Variants in SORCS3 observed in about 807,000 individuals in gnomAD.
The protein encoded by SORCS3 is VPS10 domain-containing receptor SorCS3.
SORCS3 carries 57 observed loss-of-function variants against 146.3 expected under a neutral mutation model. That is an observed-to-expected ratio of 0.39 (90% CI 0.31 to 0.49). SORCS3 has a LOEUF of 0.49. SORCS3 is among the 20% of genes least tolerant of loss of function. The pLI, the probability that SORCS3 is intolerant of heterozygous loss-of-function variation, is 0.92. For missense variants in SORCS3, 1,341 were observed against 1,575.5 expected, an observed-to-expected ratio of 0.85 and a Z score of 2.52; for synonymous variants, 653 against 618.5, an observed-to-expected ratio of 1.06 and a Z score of -0.83.
intron 1 of SORCS3, among the ~76,000 whole-genome samples, chr10:104,832,750 T>TAAATACAC (rs58541807): frequency 5.9e-5 from 9 of 151,744 alleles, no homozygotes; most frequent in African/African-American, 2.2e-4. Context: ...AATAAATAAA[T>TAAATACAC]GAACGAACGA....
chr10:104,689,420 G>A lies in SORCS3; in HGVS notation c.627+47466G>A, dbSNP rs77630205. On this transcript the variant is annotated intron_variant, in intron 1 of 26. Coordinates refer to ENST00000369701, the MANE Select transcript of SORCS3 (RefSeq NM_014978.3). ...TGTGGACTTGTGGTTGTTTGTTTGC[G>A]TGTCTGTCTCTTCATGTAGACTGGA... Among the ~76,000 whole-genome samples the A allele has an allele frequency of 6.6e-3, 1,007 of 152,238 alleles. 45 individuals carry two copies. In the East Asian group the frequency reaches 0.12, roughly 17 times the overall value.
rs528700540 is a variant in SORCS3, at chr10:104,650,496, A to G, written c.627+8542A>G. On this transcript the variant is annotated intron_variant, in intron 1 of 26. Transcript: ENST00000369701. Reference sequence around the variant, plus strand: ...GCCTCTTCCTACAGAAAAAAGGGGAATAGATACAAACACGTTCATTCAGCA... The same window carrying G: ...GCCTCTTCCTACAGAAAAAAGGGGAGTAGATACAAACACGTTCATTCAGCA... Among the ~76,000 whole-genome samples the G allele has an allele frequency of 3.7e-4, 56 of 152,296 alleles. 2 individuals carry two copies. The highest frequency in any genetic ancestry group is 2.5e-3 in the Admixed American group (38 of 15,298).
chr10:105,179,739 A>G (rs917827650), intron 14 of SORCS3, among the ~76,000 whole-genome samples: 2 of 152,204 alleles, frequency 1.3e-5, no homozygotes, highest in African/African-American at 4.8e-5. Flanking sequence ...TGAAAATGGT[A>G]TTGAAACCAA....
chr10:105,215,729 G>A (rs767659225), intron 18 of SORCS3, among the ~76,000 whole-genome samples: 6 of 152,108 alleles, frequency 3.9e-5, no homozygotes, highest in Admixed American at 1.3e-4. Context: ...TGTGTGGGGG[G>A]CAAGAGAGTA....
chr10:104,727,408 T>A (rs1300859336), intron 1 of SORCS3, among the ~76,000 whole-genome samples: 1 of 152,122 alleles, frequency 6.6e-6, no homozygotes, highest in Non-Finnish European at 1.5e-5. Context: ...TTTGTGTGCA[T>A]CCCTCCAACG....
intron 1 of SORCS3, among the ~76,000 whole-genome samples, chr10:104,785,072 G>A (rs1021186569): frequency 6.6e-6 from 1 of 151,384 alleles, no homozygotes; most frequent in African/African-American, 2.4e-5. Flanking sequence ...GGCCGGGCAG[G>A]GGGGCTGACC....
intron 1 of SORCS3, among the ~76,000 whole-genome samples, chr10:104,785,176 G>T (rs1013702326): frequency 6.7e-6 from 1 of 150,130 alleles, no homozygotes; most frequent in Non-Finnish European, 1.5e-5. Flanking sequence ...GAAATCGGAT[G>T]GTTGCCGTGT....
At chr10:105,166,735 A>C (rs1475797649) in intron 12 of SORCS3, among the ~76,000 whole-genome samples, 1 of 152,194 alleles carries the variant, frequency 6.6e-6, no homozygotes, top group African/African-American at 2.4e-5. Context: ...ATGGGTCTTC[A>C]TCCAACTTGC....
chr10:105,126,990 T>A (rs1455859822), intron 7 of SORCS3, among the ~76,000 whole-genome samples: 4 of 152,162 alleles, frequency 2.6e-5, no homozygotes, highest in Non-Finnish European at 5.9e-5. Context: ...GACAGCTCCA[T>A]GACCCATGGT....
chr10:104,822,210 G>T (rs1341584529), intron 1 of SORCS3: 4 of 426,426 alleles, frequency 9.4e-6, no homozygotes, highest in African/African-American at 8.1e-5. Context: ...AGCACACGTT[G>T]TCTGTTTCTT....
At chr10:105,004,010 T>TTTTTTTTTTTTTTTTTTTTTTTC (rs2055078212) in intron 4 of SORCS3, among the ~76,000 whole-genome samples, 1 of 150,968 alleles carries the variant, frequency 6.6e-6, no homozygotes, top group Non-Finnish European at 1.5e-5. Flanking sequence ...CTTTTTTTTT[T>TTTTTTTTTTTTTTTTTTTTTTTC]TTTTACCAGA....
chr10:105,111,636 T>A (rs914727444), intron 7 of SORCS3, among the ~76,000 whole-genome samples: 3 of 152,242 alleles, frequency 2.0e-5, no homozygotes, highest in African/African-American at 7.2e-5. Context: ...AATTGCCCAA[T>A]ATATTATTCA....
At chr10:104,702,804 C>A (rs1232068918) in intron 1 of SORCS3, among the ~76,000 whole-genome samples, 1 of 152,058 alleles carries the variant, frequency 6.6e-6, no homozygotes, top group Non-Finnish European at 1.5e-5. Context: ...ACTGGGTGAC[C>A]CTGAGCAAAC....
chr10:105,047,226 A>C (rs1446565341), intron 5 of SORCS3, among the ~76,000 whole-genome samples: 1 of 151,970 alleles, frequency 6.6e-6, no homozygotes, highest in Non-Finnish European at 1.5e-5. Context: ...TAACATGCTC[A>C]GCCTCTTTGG....
At chr10:104,905,122 T>G (rs1564710115) in intron 2 of SORCS3, among the ~76,000 whole-genome samples, 1 of 152,176 alleles carries the variant, frequency 6.6e-6, no homozygotes, top group Non-Finnish European at 1.5e-5. Context: ...TCAAGAACAG[T>G]CAGTGTAGAA....
intron 4 of SORCS3, among the ~76,000 whole-genome samples, chr10:104,996,878 C>T (rs1444911217): frequency 4.6e-5 from 7 of 152,234 alleles, no homozygotes; most frequent in Middle Eastern, 3.4e-3. Flanking sequence ...TCTGCCCTCA[C>T]CTGTCACTGA....
chr10:105,130,160 T>TTG, intron 7 of SORCS3, among the ~76,000 whole-genome samples: 1 of 110,854 alleles, frequency 9.0e-6, no homozygotes. Flanking sequence ...ATAGTACTAA[T>TTG]ATCTGTTTTC....
chr10:105,039,311 A>G (rs938793556), intron 4 of SORCS3, among the ~76,000 whole-genome samples: 28 of 152,174 alleles, frequency 1.8e-4, no homozygotes, highest in Non-Finnish European at 1.9e-4. Flanking sequence ...GTTCATCTCA[A>G]TCAGCCTCCA....
intron 4 of SORCS3, among the ~76,000 whole-genome samples, chr10:105,021,007 T>C (rs2055194605): frequency 6.6e-6 from 1 of 152,232 alleles, no homozygotes; most frequent in African/African-American, 2.4e-5. Flanking sequence ...GTGTGTGTCT[T>C]AGGCATCCCC....
Sources: allele counts gnomAD v4.1 joint callset (sites outside exome capture counted in the v4.1 genomes callset), GRCh38; gene constraint gnomAD v4.1.1; transcripts MANE v1.5; gene names NCBI Gene and HGNC (gene_info 2026-07-23, HGNC 2026-07-21).